JARID2: variants seen among roughly 807,000 people sequenced by gnomAD.
JARID2 encodes the protein jumonji and AT-rich interaction domain containing 2.
Under a neutral mutation model 125.6 loss-of-function variants are expected in JARID2, and 21 were observed. The ratio of observed to expected loss-of-function variants is 0.17; its 90% CI spans 0.12 to 0.24. The LOEUF is 0.24. Among genes scored for constraint, JARID2 ranks in the 10% least tolerant of loss-of-function variants. The probability of loss-of-function intolerance (pLI) is 1.00; values close to 1 mark genes in which losing one functional copy is unlikely to be tolerated. For synonymous variants in JARID2, 736 were observed against 661.6 expected (o/e 1.11, Z -1.73); for missense variants, 1,303 against 1,639.6 (o/e 0.79, Z 3.55).
chr6:15,412,467 C>T (rs1319811098), intron 3 of JARID2, among the ~76,000 whole-genome samples: 2 of 152,090 alleles, frequency 1.3e-5, no homozygotes, highest in Non-Finnish European at 2.9e-5. Flanking sequence ...CACCACCATA[C>T]CTGGCTAATT....
At chr6:15,409,187 T>G (rs1765773964) in intron 2 of JARID2, among the ~76,000 whole-genome samples, 1 of 152,200 alleles carries the variant, frequency 6.6e-6, no homozygotes, top group African/African-American at 2.4e-5. Flanking sequence ...AGTCACTTTC[T>G]GAGATACTTC....
At chr6:15,280,515 T>G (rs1449475154) in intron 1 of JARID2, among the ~76,000 whole-genome samples, 1 of 152,280 alleles carries the variant, frequency 6.6e-6, no homozygotes, top group South Asian at 2.1e-4. Context: ...TTATTGTTGG[T>G]AGTAATCTTA....
At chr6:15,247,881 G>C (rs1384044988) in intron 1 of JARID2, 1 of 985,278 alleles carries the variant, frequency 1.0e-6, no homozygotes, top group Non-Finnish European at 1.2e-6. Context: ...AGAATGCAAA[G>C]GACTAGTTTA....
At chr6:15,357,376 T>A (rs1052766940) in intron 1 of JARID2, among the ~76,000 whole-genome samples, 2 of 152,244 alleles carry the variant, frequency 1.3e-5, no homozygotes, top group Non-Finnish European at 2.9e-5. Flanking sequence ...CTTATTTTTA[T>A]GCTCTGAATT....
chr6:15,267,822 C>A (rs1165041225), intron 1 of JARID2, among the ~76,000 whole-genome samples: 2 of 152,002 alleles, frequency 1.3e-5, no homozygotes, highest in Admixed American at 1.3e-4. Flanking sequence ...TACCTGCACT[C>A]CTGAGGATGT....
chr6:15,517,986 G>A (rs1003433258), intron 17 of JARID2, among the ~76,000 whole-genome samples: 1 of 152,248 alleles, frequency 6.6e-6, no homozygotes, highest in Non-Finnish European at 1.5e-5. Flanking sequence ...TGTGTCTGGG[G>A]GCCCAGGCAG....
At chr6:15,465,737 T>C (rs1385108314) in intron 4 of JARID2, among the ~76,000 whole-genome samples, 1 of 152,204 alleles carries the variant, frequency 6.6e-6, no homozygotes, top group African/African-American at 2.4e-5. Context: ...CTGATTCTCT[T>C]TGAATCTTAG....
chr6:15,260,681 T>C (rs1759839237), intron 1 of JARID2, among the ~76,000 whole-genome samples: 1 of 152,240 alleles, frequency 6.6e-6, no homozygotes, highest in African/African-American at 2.4e-5. Context: ...AGTGCAATAC[T>C]GCACGCTCTT....
chr6:15,405,967 G>C (rs1056204892), intron 2 of JARID2, among the ~76,000 whole-genome samples: 3 of 152,156 alleles, frequency 2.0e-5, no homozygotes, highest in Admixed American at 1.3e-4. Flanking sequence ...TTGGTCGCCA[G>C]CGGGGGGGTT....
chr6:15,411,164 G>A (rs1054595867), intron 3 of JARID2, among the ~76,000 whole-genome samples: 9 of 143,872 alleles, frequency 6.3e-5, no homozygotes, highest in South Asian at 2.3e-4. Context: ...GAATTTGTTC[G>A]TTTCCGGGAT....
chr6:15,419,334 T>C (rs1766381195), intron 3 of JARID2, among the ~76,000 whole-genome samples: 1 of 152,232 alleles, frequency 6.6e-6, no homozygotes, highest in Admixed American at 6.5e-5. Context: ...TAAAGAAAAA[T>C]TGAGTAATAG....
intron 5 of JARID2, 76 bp from the exon 6 acceptor site, chr6:15,487,231 A>G (rs924329696): frequency 7.9e-7 from 1 of 1,273,576 alleles, no homozygotes. Context: ...GGGGACACAG[A>G]GCCAAACCAT....
intron 3 of JARID2, among the ~76,000 whole-genome samples, chr6:15,424,990 T>G (rs554526189): frequency 1.3e-5 from 2 of 152,338 alleles, no homozygotes; most frequent in South Asian, 4.1e-4. Flanking sequence ...AGCAAAATCA[T>G]TAAGATACGT....
intron 1 of JARID2, among the ~76,000 whole-genome samples, chr6:15,342,010 G>C (rs1430522280): frequency 1.3e-5 from 2 of 151,834 alleles, no homozygotes; most frequent in East Asian, 1.9e-4. Flanking sequence ...AAATAAAAAG[G>C]GGGGGGACAG....
chr6:15,285,273 G>A (rs1431511230), intron 1 of JARID2, among the ~76,000 whole-genome samples: 1 of 151,938 alleles, frequency 6.6e-6, no homozygotes, highest in Non-Finnish European at 1.5e-5. Flanking sequence ...ACCACGCCCA[G>A]CTAATTTTTG....
intron 1 of JARID2, among the ~76,000 whole-genome samples, chr6:15,372,179 A>C (rs1304994027): frequency 6.6e-6 from 1 of 152,162 alleles, no homozygotes; most frequent in African/African-American, 2.4e-5. Context: ...TAGACTTCTC[A>C]TTGAGTCCCA....
chr6:15,368,082 G>C (rs950342931), intron 1 of JARID2, among the ~76,000 whole-genome samples: 1 of 152,140 alleles, frequency 6.6e-6, no homozygotes, highest in African/African-American at 2.4e-5. Context: ...TCTTGGTGTA[G>C]TTAGAAACTA....
chr6:15,361,649 C>T (rs1057203619), intron 1 of JARID2, among the ~76,000 whole-genome samples: 1 of 151,974 alleles, frequency 6.6e-6, no homozygotes, highest in African/African-American at 2.4e-5. Context: ...TGGGGTCAGT[C>T]CTCATGGCTT....
chr6:15,336,174 G>A (rs1487187349), intron 1 of JARID2, among the ~76,000 whole-genome samples: 1 of 152,220 alleles, frequency 6.6e-6, no homozygotes, highest in African/African-American at 2.4e-5. Flanking sequence ...GGTAATTCCG[G>A]TGAGTGCTGT....
Sources: gnomAD v4.1 joint callset for allele counts (sites outside exome capture counted in the v4.1 genomes callset) on GRCh38, gnomAD v4.1.1 for gene constraint, MANE v1.5 for transcripts, NCBI Gene and HGNC (gene_info 2026-07-23, HGNC 2026-07-21) for gene names.